The following TTC29 variants were observed in gnomAD, a reference collection of about 807,000 sequenced individuals.
TTC29 encodes the protein tetratricopeptide repeat protein 29.
In TTC29, 49 loss-of-function variants were observed where a neutral mutation model predicts 58.1. That is an observed-to-expected ratio of 0.84 (90% CI 0.67 to 1.07). TTC29 has a LOEUF of 1.07. Among genes scored for constraint, TTC29 ranks in the 50% least tolerant of loss-of-function variants. The pLI, the probability that TTC29 is intolerant of heterozygous loss-of-function variation, is 0.00. For synonymous variants in TTC29, 209 were observed against 196.8 expected (o/e 1.06, Z -0.52); for missense variants, 582 against 555.6 (o/e 1.05, Z -0.48).
At chr4:146,713,485 T>A (rs989073381) in intron 11 of TTC29, among the ~76,000 whole-genome samples, 2 of 152,164 alleles carry the variant, frequency 1.3e-5, no homozygotes, top group Non-Finnish European at 2.9e-5. Flanking sequence ...AAAAAGTTAA[T>A]CTTTCTTATC....
At chr4:146,843,915 T>A (rs1255068861) in intron 8 of TTC29, among the ~76,000 whole-genome samples, 2 of 152,184 alleles carry the variant, frequency 1.3e-5, no homozygotes, top group Non-Finnish European at 2.9e-5. Flanking sequence ...AACGCTTTTT[T>A]AAAATGTCCC....
intron 6 of TTC29, among the ~76,000 whole-genome samples, chr4:146,885,468 A>G (rs899505760): frequency 6.6e-6 from 1 of 152,050 alleles, no homozygotes; most frequent in African/African-American, 2.4e-5. Flanking sequence ...CAAATTTTCT[A>G]CGTATCTAGA....
At chr4:146,919,705 T>C (rs1579984731) in intron 4 of TTC29, among the ~76,000 whole-genome samples, 1 of 151,228 alleles carries the variant, frequency 6.6e-6, no homozygotes, top group African/African-American at 2.4e-5. Flanking sequence ...TGAAATTTTA[T>C]TGTTTGGAAA....
chr4:146,718,891 T>G (rs1259917533), intron 11 of TTC29, among the ~76,000 whole-genome samples: 1 of 152,176 alleles, frequency 6.6e-6, no homozygotes, highest in African/African-American at 2.4e-5. Context: ...GCGTATGATG[T>G]GCGTTAAGGT....
chr4:146,713,158 G>A (rs1236156965), intron 11 of TTC29, among the ~76,000 whole-genome samples: 10 of 147,754 alleles, frequency 6.8e-5, no homozygotes, highest in African/African-American at 2.5e-4. Flanking sequence ...TGGGGGAGGG[G>A]AAACAAGTAG....
intron 4 of TTC29, among the ~76,000 whole-genome samples, chr4:146,926,930 TAAGAA>T (rs1391674213): frequency 2.6e-5 from 4 of 151,400 alleles, no homozygotes; most frequent in Non-Finnish European, 4.4e-5. Context: ...CAACCCACAT[TAAGAA>T]AAAATACAAA....
intron 11 of TTC29, 103 bp downstream of exon 11, chr4:146,803,350 CCAAT>C (rs375874935): frequency 2.5e-6 from 2 of 800,882 alleles, no homozygotes; most frequent in Non-Finnish European, 3.9e-6. Context: ...ATTGAAATTA[CCAAT>C]CAAATTAAAA....
At position 146,840,237 on chromosome 4, in the gene TTC29, C is replaced by T. The variant is rs1416721994; in HGVS notation, c.886-6340G>A. On this transcript the variant is annotated intron_variant, in intron 8 of 12. Coordinates refer to ENST00000325106, the MANE Select transcript of TTC29 (RefSeq NM_031956.4). ...AGCTCTGCAGCTTTTTCACAATGTC[C>T]CTTATCACATAAGCGTGGAAGAGAT... Among the ~76,000 whole-genome samples the T allele has an allele frequency of 1.3e-5, 2 of 150,730 alleles. 1 individual carries two copies.
intron 6 of TTC29, among the ~76,000 whole-genome samples, chr4:146,892,124 C>T (rs908011601): frequency 5.3e-5 from 8 of 152,064 alleles, no homozygotes; most frequent in African/African-American, 1.4e-4. Flanking sequence ...GGCAGACTTC[C>T]CCCTTGCTGT....
chr4:146,873,318 T>C (rs1731055789), intron 7 of TTC29, among the ~76,000 whole-genome samples: 1 of 152,142 alleles, frequency 6.6e-6, no homozygotes, highest in Non-Finnish European at 1.5e-5. Flanking sequence ...CTTTAACCTA[T>C]GTACTTTCTT....
chr4:146,773,016 A>C (rs1368397730), intron 11 of TTC29, among the ~76,000 whole-genome samples: 1 of 151,994 alleles, frequency 6.6e-6, no homozygotes, highest in African/African-American at 2.4e-5. Flanking sequence ...TTTGACTCTC[A>C]ACTTGGACTT....
chr4:146,801,291 C>A (rs1750198643), intron 11 of TTC29, among the ~76,000 whole-genome samples: 1 of 152,074 alleles, frequency 6.6e-6, no homozygotes, highest in South Asian at 2.1e-4. Context: ...TGTAAACAAA[C>A]CTGTTTGATA....
At chr4:146,777,486 A>AGAT (rs770228376) in intron 11 of TTC29, among the ~76,000 whole-genome samples, 30 of 152,200 alleles carry the variant, frequency 2.0e-4, no homozygotes, top group Non-Finnish European at 3.7e-4. Context: ...CTAATAACTA[A>AGAT]GATGGCATTT....
chr4:146,903,982 T>A (rs546084802), intron 5 of TTC29, among the ~76,000 whole-genome samples: 1 of 152,282 alleles, frequency 6.6e-6, no homozygotes, highest in South Asian at 2.1e-4. Context: ...ATTGACACTA[T>A]CTGGTTGAAA....
intron 11 of TTC29, among the ~76,000 whole-genome samples, chr4:146,747,922 C>A (rs1180332762): frequency 6.6e-6 from 1 of 152,222 alleles, no homozygotes; most frequent in Non-Finnish European, 1.5e-5. Context: ...AGGCACCTTG[C>A]CTCTCTGGGG....
chr4:146,882,965 CAT>C (rs1213839694), intron 6 of TTC29, among the ~76,000 whole-genome samples: 2 of 151,946 alleles, frequency 1.3e-5, no homozygotes, highest in Non-Finnish European at 2.9e-5. Context: ...TGTGTGTGCA[CAT>C]GTGTGTATGT....
intron 11 of TTC29, among the ~76,000 whole-genome samples, chr4:146,756,234 G>T (rs1054508003): frequency 7.5e-5 from 11 of 146,886 alleles, no homozygotes; most frequent in Non-Finnish European, 1.0e-4. Context: ...TTGTACCACT[G>T]CACTCCAGTC....
At chr4:146,733,277 G>T (rs1744477015) in intron 11 of TTC29, among the ~76,000 whole-genome samples, 1 of 152,052 alleles carries the variant, frequency 6.6e-6, no homozygotes, top group Non-Finnish European at 1.5e-5. Context: ...CCTAGATTTG[G>T]AACCTTCTTA....
Position 146,894,066 on chromosome 4 carries a change from T to G in TTC29, c.586+9478A>C, listed in dbSNP as rs536178796. Among the ~76,000 whole-genome samples, 753 of 152,228 alleles carry G rather than the reference T, an allele frequency of 4.9e-3. 4 individuals are homozygous for G. The highest frequency in any genetic ancestry group is 6.2e-3 in the Non-Finnish European group (421 of 68,022). ...AGAGGATGTGGAGAAATAGGAACACTTTTACACTGTTGGTGGGACTGTAAA... is the reference window on the plus strand; with the variant it reads ...AGAGGATGTGGAGAAATAGGAACACGTTTACACTGTTGGTGGGACTGTAAA... On this transcript the variant is annotated intron_variant, in intron 6 of 12. Transcript: ENST00000325106.
Sources: allele counts gnomAD v4.1 joint callset (sites outside exome capture counted in the v4.1 genomes callset), GRCh38; gene constraint gnomAD v4.1.1; transcripts MANE v1.5; gene names NCBI Gene and HGNC (gene_info 2026-07-23, HGNC 2026-07-21).